RASGRF1: variants seen among roughly 807,000 people sequenced by gnomAD.
RASGRF1 encodes the protein ras-specific guanine nucleotide-releasing factor 1.
RASGRF1 carries 40 observed loss-of-function variants against 138.7 expected under a neutral mutation model. The observed-to-expected ratio is 0.29, with a 90% CI of 0.22 to 0.38. The LOEUF is 0.38. RASGRF1 is among the 10% of genes least tolerant of loss of function. RASGRF1 has a pLI of 1.00. For synonymous variants in RASGRF1, 614 were observed against 663.2 expected (o/e 0.93, Z 1.14); for missense variants, 1,108 against 1,650.4 (o/e 0.67, Z 5.69).
At chr15:78,974,387 C>T (rs1596313241) in intron 24 of RASGRF1, among the ~76,000 whole-genome samples, 1 of 152,158 alleles carries the variant, frequency 6.6e-6, no homozygotes, top group East Asian at 1.9e-4. Flanking sequence ...CCTGGCAACC[C>T]TGCTAGCCTG....
intron 10 of RASGRF1, among the ~76,000 whole-genome samples, chr15:79,023,984 CAT>C (rs1330923830): frequency 1.3e-5 from 2 of 150,924 alleles, no homozygotes; most frequent in Admixed American, 1.3e-4. Flanking sequence ...CACACAAACA[CAT>C]ATCTCACACA....
intron 26 of RASGRF1, among the ~76,000 whole-genome samples, chr15:78,965,088 T>C (rs2055617352): frequency 6.6e-6 from 1 of 152,208 alleles, no homozygotes; most frequent in South Asian, 2.1e-4. Context: ...ATACAGCCTT[T>C]TGCCTCAACT....
intron 20 of RASGRF1, 91 bp downstream of exon 20, chr15:78,995,649 G>T: frequency 6.9e-7 from 1 of 1,447,540 alleles, no homozygotes. Flanking sequence ...CACAGAAAAT[G>T]AATACGGGTG....
chr15:78,990,229 C>T lies in RASGRF1; in HGVS notation c.3176G>A (p.Arg1059Lys). 2 of 1,610,212 alleles carry T rather than the reference C, an allele frequency of 1.2e-6. No individual in the cohort carries two copies. Among genetic ancestry groups the T allele is most frequent in the East Asian group, 4.5e-5 (2 of 44,870 alleles). ...AGTGGTTTTCATGATATAAGGGGTC[C>T]TTTCATTCTTTTCCAGTTTCATCCA... Reference protein sequence around the residue: ...QGWMKLEKNERTPYIMKTTKH... With the variant: ...QGWMKLEKNEKTPYIMKTTKH... Residue 1059 changes from arginine to lysine, a missense_variant, in exon 22 of 27, where the codon AGG (arginine) becomes AAG (lysine). Arg to Lys is a conservative substitution (Grantham distance 26). Around this residue, in one of 3 missense-constraint regions of RASGRF1, gnomAD observed 686 missense variants for 976.7 expected, o/e 0.70. Transcript: ENST00000558480.
chr15:79,056,417 G>C (rs900782765), intron 3 of RASGRF1, among the ~76,000 whole-genome samples: 1 of 152,180 alleles, frequency 6.6e-6, no homozygotes, highest in African/African-American at 2.4e-5. Context: ...AATGAACTGG[G>C]TGGGCCGGAG....
chr15:79,012,685 ACT>A (rs956659449), intron 13 of RASGRF1, among the ~76,000 whole-genome samples: 1 of 150,916 alleles, frequency 6.6e-6, no homozygotes, highest in Non-Finnish European at 1.5e-5. Context: ...TTTCATCCGC[ACT>A]CTCTCTTTTT....
At chr15:79,013,321 T>C (rs1445571759) in intron 13 of RASGRF1, among the ~76,000 whole-genome samples, 1 of 152,166 alleles carries the variant, frequency 6.6e-6, no homozygotes, top group East Asian at 1.9e-4. Context: ...CCACCACCTG[T>C]TCAGTGATGT....
chr15:78,998,579 C>T lies in RASGRF1; in HGVS notation c.2853+140G>A, dbSNP rs544097292. ...GTCCTCCGGGAACATCAGGGTGGCA[C>T]ATTTGAGCTCCCTCCCTTCTGCTGC... On this transcript the variant is annotated intron_variant, in intron 18 of 26. Transcript: ENST00000558480. 4.5e-5 allele frequency: 32 copies of T among 714,960 alleles called. No individual in the cohort carries two copies. In the Admixed American group the frequency reaches 5.0e-4, roughly 11 times the overall value. The allele number at this position is 714,960 out of a possible 1,614,324, so 44.3% of individuals were successfully genotyped here. A position where few individuals can be genotyped will look rare whatever the true frequency, so the allele number is the denominator to read the frequency against.
intron 5 of RASGRF1, among the ~76,000 whole-genome samples, chr15:79,036,980 C>T (rs918959645): frequency 6.6e-6 from 1 of 152,092 alleles, no homozygotes; most frequent in Non-Finnish European, 1.5e-5. Flanking sequence ...GAGTGTGGAT[C>T]CCACCAGTAT....
chr15:78,970,545 C>T (rs2055732998), intron 26 of RASGRF1, among the ~76,000 whole-genome samples: 1 of 146,098 alleles, frequency 6.8e-6, no homozygotes, highest in Non-Finnish European at 1.5e-5. Flanking sequence ...ATTGATTGAA[C>T]CCGGGAGGTG....
At chr15:79,044,717 C>A (rs1185808795) in intron 5 of RASGRF1, among the ~76,000 whole-genome samples, 1 of 152,176 alleles carries the variant, frequency 6.6e-6, no homozygotes, top group Non-Finnish European at 1.5e-5. Context: ...TTTTTGAGGT[C>A]ATTGTTGAAA....
chr15:79,078,192 G>A (rs1464355766), intron 1 of RASGRF1, among the ~76,000 whole-genome samples: 1 of 96,564 alleles, frequency 1.0e-5, no homozygotes, highest in Admixed American at 1.1e-4. Context: ...CTGGCCCAGG[G>A]TCCATCTTCT....
intron 1 of RASGRF1, among the ~76,000 whole-genome samples, chr15:79,071,313 C>A (rs2057751655): frequency 6.6e-6 from 1 of 151,822 alleles, no homozygotes; most frequent in Admixed American, 6.6e-5. Flanking sequence ...TCTGTTCTTT[C>A]CATTTCTCTC....
intron 24 of RASGRF1, chr15:78,980,381 A>C: frequency 2.6e-6 from 1 of 379,216 alleles, no homozygotes. Context: ...CTATGCTTTC[A>C]GGGATCCCAG....
intron 23 of RASGRF1, chr15:78,981,021 C>T (rs1212897314): frequency 1.2e-5 from 3 of 241,782 alleles, no homozygotes; most frequent in East Asian, 1.5e-4. Context: ...TGGGTGACTC[C>T]CAGGAGCCTG....
rs2055530347 is a variant in RASGRF1 at position 78,960,601 on chromosome 15, G to A, written c.*1543C>T. ...CCAGTTGAGCCTTCAGATGACTCCAGTCCCAGTTGCTGAGTGACTGAAACT... is the reference window on the plus strand; with the variant it reads ...CCAGTTGAGCCTTCAGATGACTCCAATCCCAGTTGCTGAGTGACTGAAACT... On this transcript the variant is annotated 3_prime_UTR_variant, in exon 27 of 27. Transcript: ENST00000558480. 1 of 152,270 alleles carries A rather than the reference G, an allele frequency of 6.6e-6. No homozygotes were observed. Among genetic ancestry groups the A allele is most frequent in the Non-Finnish European group, 1.5e-5 (1 of 68,086 alleles). The allele number at this position is 152,270 out of a possible 1,614,324, so 9.4% of individuals were successfully genotyped here. A position where few individuals can be genotyped will look rare whatever the true frequency, so the allele number is the denominator to read the frequency against.
intron 5 of RASGRF1, among the ~76,000 whole-genome samples, chr15:79,042,567 T>G (rs991672290): frequency 2.6e-5 from 4 of 152,124 alleles, no homozygotes; most frequent in Non-Finnish European, 4.4e-5. Context: ...GCAAGGAAAA[T>G]GGGTTGCTGG....
intron 1 of RASGRF1, among the ~76,000 whole-genome samples, chr15:79,074,025 C>T (rs2057797167): frequency 6.6e-6 from 1 of 152,198 alleles, no homozygotes; most frequent in Non-Finnish European, 1.5e-5. Flanking sequence ...TTTTCTAGGT[C>T]CAGGCTCAGA....
chr15:79,040,392 C>T (rs1477497996), intron 5 of RASGRF1, among the ~76,000 whole-genome samples: 1 of 152,216 alleles, frequency 6.6e-6, no homozygotes, highest in African/African-American at 2.4e-5. Context: ...CACCCATTCT[C>T]TACATAGTGG....
Sources: allele counts gnomAD v4.1 joint callset (sites outside exome capture counted in the v4.1 genomes callset), GRCh38; gene constraint gnomAD v4.1.1; regional missense constraint gnomAD v4.1.1; transcripts MANE v1.5; gene names NCBI Gene and HGNC (gene_info 2026-07-23, HGNC 2026-07-21).